LARP1B: variants seen among roughly 807,000 people sequenced by gnomAD.
LARP1B encodes La ribonucleoprotein 1B, also known as la-related protein 1B.
In LARP1B, 76 loss-of-function variants were observed where a neutral mutation model predicts 114.2. The observed-to-expected ratio is 0.67, with a 90% confidence interval of 0.55 to 0.81. The LOEUF is 0.81. Among genes scored for constraint, LARP1B ranks in the 30% least tolerant of loss-of-function variants. LARP1B has a pLI of 0.00. For missense variants in LARP1B, 1,014 were observed against 1,075.8 expected, an observed-to-expected ratio of 0.94 and a Z score of 0.80; for synonymous variants, 345 against 348.0, an observed-to-expected ratio of 0.99 and a Z score of 0.10.
At chr4:128,070,305 G>A (rs1465271439) in intron 1 of LARP1B, among the ~76,000 whole-genome samples, 1 of 151,522 alleles carries the variant, frequency 6.6e-6, no homozygotes, top group Non-Finnish European at 1.5e-5. Flanking sequence ...GGGTGACAGA[G>A]TGAGACTCCG....
chr4:128,111,043 ATTT>A (rs765576523), intron 9 of LARP1B, among the ~76,000 whole-genome samples: 1 of 136,316 alleles, frequency 7.3e-6, no homozygotes. Flanking sequence ...AAAACTCATA[ATTT>A]TTTTTTTTTT....
At chr4:128,094,011 T>C (rs1393501340) in intron 7 of LARP1B, among the ~76,000 whole-genome samples, 1 of 146,200 alleles carries the variant, frequency 6.8e-6, no homozygotes, top group Non-Finnish European at 1.5e-5. Flanking sequence ...GTGCCTGACC[T>C]TTTTTTTTTT....
intron 3 of LARP1B, among the ~76,000 whole-genome samples, chr4:128,076,271 C>T (rs930608115): frequency 1.4e-4 from 22 of 152,236 alleles, no homozygotes; most frequent in African/African-American, 4.3e-4. Flanking sequence ...TCCCAAAGTG[C>T]TGGGATTACA....
chr4:128,061,345 C>A lies in LARP1B; in HGVS notation c.-134C>A, dbSNP rs1760022418. On this transcript the variant is annotated 5_prime_UTR_variant, in exon 1 of 20. Transcript: ENST00000326639. Reference sequence around the variant, plus strand: ...GCTTTGGCTGCTCGCGCCTCCCCAACTCGGGTAAAGCTCCTCGGCCTCGGC... The same window carrying A: ...GCTTTGGCTGCTCGCGCCTCCCCAAATCGGGTAAAGCTCCTCGGCCTCGGC... 2 of 152,360 alleles carry A rather than the reference C, an allele frequency of 1.3e-5. No individual in the cohort carries two copies. Among genetic ancestry groups the A allele is most frequent in the South Asian group, 2.1e-4 (1 of 4,844 alleles). 9.4% of individuals were successfully genotyped at this position (152,360 alleles called of 1,614,324 possible). A position where few individuals can be genotyped will look rare whatever the true frequency, so the allele number is the denominator to read the frequency against.
At chr4:128,198,466 C>G (rs1012560536) in intron 15 of LARP1B, among the ~76,000 whole-genome samples, 1 of 152,076 alleles carries the variant, frequency 6.6e-6, no homozygotes, top group Non-Finnish European at 1.5e-5. Flanking sequence ...TAAGTTGAAA[C>G]TGGAATTGTT....
chr4:128,075,747 A>G (rs889432416), intron 3 of LARP1B, among the ~76,000 whole-genome samples: 1 of 151,454 alleles, frequency 6.6e-6, no homozygotes, highest in African/African-American at 2.4e-5. Context: ...GGGTTTGGTC[A>G]TGTTGCCCAG....
intron 9 of LARP1B, among the ~76,000 whole-genome samples, chr4:128,110,671 C>G (rs62334587): frequency 2.5e-3 from 2 of 808 alleles, no homozygotes; most frequent in African/African-American, 3.6e-3. Flanking sequence ...AGCGAGACTC[C>G]GTCTCAAAAA....
chr4:128,210,397 A>G lies in LARP1B; in HGVS notation c.*344A>G, dbSNP rs1415587030. The stretch of plus-strand genomic sequence containing the variant: ...ATTCCTTAAATATATTTAAAAAACA[A>G]TACAAGGAATGCCTAACATTTCAGC... On this transcript the variant is annotated 3_prime_UTR_variant, in exon 20 of 20. Transcript: ENST00000326639. 1.8e-5 allele frequency: 19 copies of G among 1,062,656 alleles called. No homozygotes were observed. Among genetic ancestry groups the G allele is most frequent in the Non-Finnish European group, 1.7e-5 (15 of 877,302 alleles). The allele number at this position is 1,062,656 out of a possible 1,614,324, so 65.8% of individuals were successfully genotyped here. A position where few individuals can be genotyped will look rare whatever the true frequency, so the allele number is the denominator to read the frequency against.
chr4:128,091,599 ATTTTT>A, intron 7 of LARP1B, 87 bp downstream of exon 7: 2 of 842,966 alleles, frequency 2.4e-6, no homozygotes, highest in Non-Finnish European at 1.7e-6. Context: ...ATATGCTATA[ATTTTT>A]TTTTTTTTTT....
At chr4:128,161,225 A>G (rs1316655485) in intron 11 of LARP1B, among the ~76,000 whole-genome samples, 2 of 152,024 alleles carry the variant, frequency 1.3e-5, no homozygotes, top group African/African-American at 4.8e-5. Flanking sequence ...ATAGGGTTCA[A>G]CCTTTAGGGT....
chr4:128,139,492 A>G (rs1726947470), intron 11 of LARP1B, among the ~76,000 whole-genome samples: 1 of 152,146 alleles, frequency 6.6e-6, no homozygotes, highest in Non-Finnish European at 1.5e-5. Context: ...ACTGCACTCC[A>G]GCCTGGGCAA....
intron 11 of LARP1B, among the ~76,000 whole-genome samples, chr4:128,139,541 C>A (rs1580900400): frequency 6.6e-6 from 1 of 151,250 alleles, no homozygotes; most frequent in South Asian, 2.1e-4. Flanking sequence ...AGAAAAGAAT[C>A]CATAAAGTAG....
chr4:128,130,827 A>C (rs1189598864), intron 11 of LARP1B, among the ~76,000 whole-genome samples: 1 of 152,244 alleles, frequency 6.6e-6, no homozygotes, highest in Non-Finnish European at 1.5e-5. Flanking sequence ...ACATTCAGAC[A>C]ATGGACTTAC....
chr4:128,173,319 T>C (rs566843785), intron 12 of LARP1B, among the ~76,000 whole-genome samples: 1 of 152,308 alleles, frequency 6.6e-6, no homozygotes, highest in South Asian at 2.1e-4. Context: ...AGAGACCTTA[T>C]GTCTTGAAAA....
At chr4:128,073,418 C>CAAAAAAAAAAA (rs776553862) in intron 1 of LARP1B, among the ~76,000 whole-genome samples, 1 of 42,910 alleles carries the variant, frequency 2.3e-5, no homozygotes, top group Non-Finnish European at 3.7e-5. Context: ...GATTCCGTCT[C>CAAAAAAAAAAA]AAAAAAAAAA....
intron 7 of LARP1B, among the ~76,000 whole-genome samples, chr4:128,092,440 C>T (rs1776246618): frequency 6.6e-6 from 1 of 152,064 alleles, no homozygotes; most frequent in African/African-American, 2.4e-5. Context: ...AAAACAAACC[C>T]TATGCATATT....
At chr4:128,093,746 C>T (rs943388329) in intron 7 of LARP1B, among the ~76,000 whole-genome samples, 2 of 135,198 alleles carry the variant, frequency 1.5e-5, no homozygotes, top group South Asian at 2.4e-4. Context: ...GTTTTGCTCT[C>T]GTTGTGCAGG....
chr4:128,123,052 T>A (rs1350963563), intron 11 of LARP1B: 1 of 985,310 alleles, frequency 1.0e-6, no homozygotes, highest in South Asian at 4.7e-5. Context: ...AATAAAGTTG[T>A]AGGAAGAAAA....
intron 1 of LARP1B, among the ~76,000 whole-genome samples, chr4:128,073,168 C>G (rs1766034742): frequency 6.6e-6 from 1 of 151,946 alleles, no homozygotes; most frequent in Non-Finnish European, 1.5e-5. Context: ...AATCCTGGCA[C>G]TTTGGGAGGC....
Sources: gnomAD v4.1 joint callset for allele counts (sites outside exome capture counted in the v4.1 genomes callset) on GRCh38, gnomAD v4.1.1 for gene constraint, MANE v1.5 for transcripts, NCBI Gene and HGNC (gene_info 2026-07-23, HGNC 2026-07-21) for gene names.